Variants in LRRC2 observed in about 807,000 individuals in gnomAD.
The protein encoded by LRRC2 is leucine-rich repeat-containing protein 2.
A neutral mutation model predicts 40.2 loss-of-function variants in LRRC2; 27 were observed. The observed-to-expected ratio is 0.67, with a 90% confidence interval of 0.49 to 0.93. LRRC2 has a LOEUF of 0.93. Among genes scored for constraint, LRRC2 ranks in the 40% least tolerant of loss-of-function variants. The pLI, the probability that LRRC2 is intolerant of heterozygous loss-of-function variation, is 0.00. For synonymous variants in LRRC2, 147 were observed against 158.9 expected (o/e 0.92, Z 0.56); for missense variants, 402 against 439.6 (o/e 0.91, Z 0.76).
In LRRC2 at chr3:46,539,153, T is replaced by C. The variant is rs753256332; in HGVS notation, c.382A>G (p.Ile128Val). 60 of 1,614,020 alleles carry C rather than the reference T, an allele frequency of 3.7e-5. No individual in the cohort carries two copies. The highest frequency in any genetic ancestry group is 5.1e-5 in the Non-Finnish European group (60 of 1,179,908). The change falls in exon 4 of 9, where the codon ATA (isoleucine) becomes GTA (valine). Residue 128 changes from isoleucine (I) to valine (V), a missense_variant. Ile to Val is a conservative substitution (Grantham distance 29). Coordinates refer to ENST00000395905, the MANE Select transcript of LRRC2 (RefSeq NM_024512.5). Reference sequence around the variant, plus strand: ...ATGATTTGAATCAAGGTATTGCTTATGTACCATTCTCTCAGGTGTGTCTGC... The same window carrying C: ...ATGATTTGAATCAAGGTATTGCTTACGTACCATTCTCTCAGGTGTGTCTGC... ...KEQTHLREWY[I>V]SNTLIQIIPT...
intron 3 of LRRC2, among the ~76,000 whole-genome samples, chr3:46,540,970 T>A (rs1356138378): frequency 6.6e-6 from 1 of 152,246 alleles, no homozygotes; most frequent in African/African-American, 2.4e-5. Context: ...ATTCCACTCT[T>A]TCAATAATGG....
intron 1 of LRRC2, among the ~76,000 whole-genome samples, chr3:46,565,495 G>A (rs1705038208): frequency 6.6e-6 from 1 of 152,212 alleles, no homozygotes; most frequent in African/African-American, 2.4e-5. Flanking sequence ...ACAAAAACAA[G>A]AGGTATGTGA....
chr3:46,538,960 G>C, intron 4 of LRRC2, 85 bp downstream of exon 4: 2 of 1,379,942 alleles, frequency 1.4e-6, no homozygotes, highest in South Asian at 2.8e-5. Flanking sequence ...GAGGAAACAC[G>C]GTGTCTGCAC....
chr3:46,523,262 T>C lies in LRRC2; in HGVS notation c.930-1604A>G, dbSNP rs148789004. Reference sequence around the variant, plus strand: ...TTTAATCAAGTAATCATTGTACACATTTTTAAACCTGCAGAATGTAATCGT... The same window carrying C: ...TTTAATCAAGTAATCATTGTACACACTTTTAAACCTGCAGAATGTAATCGT... On this transcript the variant is annotated intron_variant, in intron 7 of 8. Transcript: ENST00000395905. Among the ~76,000 whole-genome samples, 324 of 152,338 alleles carry C rather than the reference T, an allele frequency of 2.1e-3. 2 individuals are homozygous for C. Among genetic ancestry groups the C allele is most frequent in the Non-Finnish European group, 3.6e-3 (248 of 68,030 alleles).
At chr3:46,523,121 T>G (rs890324325) in intron 7 of LRRC2, among the ~76,000 whole-genome samples, 1 of 152,252 alleles carries the variant, frequency 6.6e-6, no homozygotes, top group African/African-American at 2.4e-5. Flanking sequence ...TTGTAATGTT[T>G]AATGTAGATA....
intron 1 of LRRC2, among the ~76,000 whole-genome samples, chr3:46,553,625 C>T (rs1218294644): frequency 6.6e-6 from 1 of 152,026 alleles, no homozygotes; most frequent in African/African-American, 2.4e-5. Flanking sequence ...GTAGCTGGGA[C>T]CACAGTCGTG....
intron 3 of LRRC2, among the ~76,000 whole-genome samples, chr3:46,542,512 GA>G (rs1336799691): frequency 1.2e-5 from 1 of 83,186 alleles, no homozygotes; most frequent in African/African-American, 4.7e-5. Context: ...ACAAACAAAA[GA>G]AAAAAAAAGA....
At chr3:46,520,910 A>C (rs1703952679) in intron 8 of LRRC2, among the ~76,000 whole-genome samples, 1 of 152,180 alleles carries the variant, frequency 6.6e-6, no homozygotes, top group Non-Finnish European at 1.5e-5. Context: ...GAAGGGCTTA[A>C]GGCTTCCAGA....
chr3:46,530,892 T>C (rs1704147530), intron 5 of LRRC2, among the ~76,000 whole-genome samples: 1 of 152,188 alleles, frequency 6.6e-6, no homozygotes, highest in African/African-American at 2.4e-5. Flanking sequence ...CATATCACCA[T>C]ATCATCATGT....
At chr3:46,556,528 C>G (rs1475514494) in intron 1 of LRRC2, among the ~76,000 whole-genome samples, 1 of 146,260 alleles carries the variant, frequency 6.8e-6, no homozygotes, top group Non-Finnish European at 1.5e-5. Flanking sequence ...TTTTTAATCA[C>G]TTGGTTTATA....
At chr3:46,535,278 A>G (rs1704251010) in intron 4 of LRRC2, among the ~76,000 whole-genome samples, 1 of 152,266 alleles carries the variant, frequency 6.6e-6, no homozygotes, top group African/African-American at 2.4e-5. Flanking sequence ...CACATGTCAT[A>G]AGAATTTCCA....
At chr3:46,565,842 G>C (rs993782239) in intron 1 of LRRC2, among the ~76,000 whole-genome samples, 4 of 152,186 alleles carry the variant, frequency 2.6e-5, no homozygotes, top group Non-Finnish European at 5.9e-5. Flanking sequence ...AGAAAGCTTT[G>C]GGCTCAGCCT....
intron 1 of LRRC2, among the ~76,000 whole-genome samples, chr3:46,552,389 A>AG (rs1302974267): frequency 5.3e-5 from 8 of 152,088 alleles, no homozygotes; most frequent in African/African-American, 1.9e-4. Context: ...TCTAAAAAAA[A>AG]AAAAAAGCTC....
At chr3:46,562,695 G>A (rs1473006454) in intron 1 of LRRC2, among the ~76,000 whole-genome samples, 2 of 151,042 alleles carry the variant, frequency 1.3e-5, no homozygotes, top group Non-Finnish European at 2.9e-5. Context: ...CCTCAGGAAT[G>A]ACTCCATCAT....
At chr3:46,552,163 C>T (rs559109822) in intron 1 of LRRC2, among the ~76,000 whole-genome samples, 3 of 152,174 alleles carry the variant, frequency 2.0e-5, no homozygotes, top group African/African-American at 7.2e-5. Flanking sequence ...CCCAAAGCCC[C>T]CTGGGGATTC....
In LRRC2 at chr3:46,517,501, T is replaced by A. The variant is rs1393357471; in HGVS notation, c.*1513A>T. 2.0e-5 allele frequency: 3 copies of A among 151,944 alleles called. No individual in the cohort carries two copies. Among genetic ancestry groups the A allele is most frequent in the African/African-American group, 7.3e-5 (3 of 41,362 alleles). 9.4% of individuals were successfully genotyped at this position (151,944 alleles called of 1,614,324 possible). ...CACCACACCTGGCTAATTTTTTGAA[T>A]TTTTTTGTGGAGATGGGGTTTCGTC... On this transcript the variant is annotated 3_prime_UTR_variant, in exon 9 of 9. Coordinates refer to ENST00000395905, the MANE Select transcript of LRRC2 (RefSeq NM_024512.5).
chr3:46,527,754 G>A (rs1466672876), intron 6 of LRRC2, among the ~76,000 whole-genome samples, 173 bp from the exon 7 acceptor site: 3 of 151,838 alleles, frequency 2.0e-5, no homozygotes, highest in Admixed American at 6.6e-5. Flanking sequence ...TTGAGACAAG[G>A]TGTTATTATG....
chr3:46,528,004 C>G (rs754312061), intron 6 of LRRC2, among the ~76,000 whole-genome samples: 3 of 152,206 alleles, frequency 2.0e-5, no homozygotes, highest in Non-Finnish European at 4.4e-5. Flanking sequence ...GTTGAGATTA[C>G]AGGCATAAGC....
Position 46,563,743 on chromosome 3 carries a change from G to C in LRRC2, c.-20+2434C>G, listed in dbSNP as rs1490362637. ...AGTTTACTGACAGGAGCAGCCACTT[G>C]GGAGTCCCCAGACTTGGGTTCACAC... On this transcript the variant is annotated intron_variant, in intron 1 of 8. Coordinates refer to ENST00000395905, the MANE Select transcript of LRRC2 (RefSeq NM_024512.5). Among the ~76,000 whole-genome samples the C allele has an allele frequency of 2.0e-5, 3 of 152,218 alleles. No homozygotes were observed. In the East Asian group the frequency reaches 5.8e-4, roughly 29 times the overall value.
Sources: gnomAD v4.1 joint callset for allele counts (sites outside exome capture counted in the v4.1 genomes callset) on GRCh38, gnomAD v4.1.1 for gene constraint, MANE v1.5 for transcripts, NCBI Gene and HGNC (gene_info 2026-07-23, HGNC 2026-07-21) for gene names.